PRG4: variants seen among roughly 807,000 people sequenced by gnomAD.
The protein encoded by PRG4 is proteoglycan 4, also known as articular superficial zone protein.
A neutral mutation model predicts 91.2 loss-of-function variants in PRG4; 61 were observed. That is an observed-to-expected ratio of 0.67 (90% CI 0.54 to 0.83). The LOEUF is 0.83. Among genes scored for constraint, PRG4 ranks in the 40% least tolerant of loss-of-function variants. The pLI, the probability that PRG4 is intolerant of heterozygous loss-of-function variation, is 0.00. For missense variants in PRG4, 1,564 were observed against 1,714.2 expected (o/e 0.91, Z 1.55); for synonymous variants, 576 against 614.2 (o/e 0.94, Z 0.92).
At chr1:186,310,435 A>C (rs1657111057) in intron 8 of PRG4, among the ~76,000 whole-genome samples, 2 of 152,186 alleles carry the variant, frequency 1.3e-5, no homozygotes, top group Non-Finnish European at 1.5e-5. Context: ...CCTTAGTTCT[A>C]AGAGATAAAG....
At chr1:186,300,038 C>T in intron 2 of PRG4, 53 bp from the exon 3 acceptor site, 2 of 1,601,614 alleles carry the variant, frequency 1.2e-6, no homozygotes, top group Non-Finnish European at 1.7e-6. Flanking sequence ...TTAGATTGCT[C>T]CCTTTCTATA....
Position 186,313,665 on chromosome 1 carries a change from T to C in PRG4, c.4118-16T>C. The stretch of plus-strand genomic sequence containing the variant: ...GTTTTCTTTTTAACTAAAAAAATGT[T>C]TTCTCTTCCATTTAGATCAATACTA... On this transcript the variant is annotated splice_polypyrimidine_tract_variant and intron_variant, in intron 12 of 12. Transcript: ENST00000445192. 6.7e-6 allele frequency: 10 copies of C among 1,500,596 alleles called. No homozygotes were observed. The highest frequency in any genetic ancestry group is 9.3e-6 in the Non-Finnish European group (10 of 1,077,450). 93.0% of individuals were successfully genotyped at this position (1,500,596 alleles called of 1,614,324 possible). A position where few individuals can be genotyped will look rare whatever the true frequency, so the allele number is the denominator to read the frequency against.
In PRG4 at chr1:186,308,623, C is replaced by T. The variant is rs772362320; in HGVS notation, c.2904C>T (p.Thr968=). The T allele has an allele frequency of 6.7e-5, 108 of 1,612,686 alleles. No individual in the cohort carries two copies. Among genetic ancestry groups the T allele is most frequent in the Middle Eastern group, 1.6e-4 (1 of 6,080 alleles). The part of the protein sequence containing the change: ...TQVTSTTTQD[T]TPFKITTLKT... ...TAACATCTACCACAACTCAAGATAC[C>T]ACACCATTCAAAATTACTACTCTTA... Residue 968 remains threonine (T), a synonymous_variant, in exon 7 of 13, where the codon ACC becomes ACT. Coordinates refer to ENST00000445192, the MANE Select transcript of PRG4 (RefSeq NM_005807.6).
intron 6 of PRG4, among the ~76,000 whole-genome samples, chr1:186,305,660 A>G (rs1330036058): frequency 6.6e-6 from 1 of 152,216 alleles, no homozygotes; most frequent in Non-Finnish European, 1.5e-5. Context: ...TCACCCAGAA[A>G]ATCGTGCAGG....
At chr1:186,312,560 T>C in intron 11 of PRG4, 188 bp downstream of exon 11, 1 of 801,032 alleles carries the variant, frequency 1.2e-6, no homozygotes. Flanking sequence ...TCCTTGTGGG[T>C]AAGTAAAGCA....
intron 8 of PRG4, 77 bp from the exon 9 acceptor site, chr1:186,310,957 A>T (rs913940612): frequency 2.6e-6 from 4 of 1,530,420 alleles, no homozygotes; most frequent in East Asian, 4.5e-5. Flanking sequence ...AGAAAACTAC[A>T]TTTTTTTTCA....
chr1:186,298,143 G>A (rs1053552919), intron 2 of PRG4, among the ~76,000 whole-genome samples: 1 of 152,200 alleles, frequency 6.6e-6, no homozygotes, highest in African/African-American at 2.4e-5. Flanking sequence ...CATTCTGGGA[G>A]GCCTAGGGAG....
chr1:186,298,121 C>T (rs184062111), intron 2 of PRG4, among the ~76,000 whole-genome samples: 133 of 152,312 alleles, frequency 8.7e-4, no homozygotes, highest in Admixed American at 1.8e-3. Flanking sequence ...TGGCTCACAC[C>T]TGTAATCCCA....
In PRG4 at chr1:186,307,195, A is replaced by G; in HGVS notation, c.1476A>G (p.Pro492=). 1 of 1,346,928 alleles carries G rather than the reference A, an allele frequency of 7.4e-7. No homozygotes were observed. The highest frequency in any genetic ancestry group is 9.7e-7 in the Non-Finnish European group (1 of 1,032,588). The allele number at this position is 1,346,928 out of a possible 1,614,324, so 83.4% of individuals were successfully genotyped here. The change falls in exon 7 of 13, where the codon CCA becomes CCG. Residue 492 remains proline, a synonymous_variant. Transcript: ENST00000445192. The part of the protein sequence containing the change: ...PAPTAPKKPA[P]TTPKEPAPTT... ...CCACTGCCCCCAAGAAGCCTGCCCC[A>G]ACTACCCCCAAGGAGCCTGCACCCA...
At position 186,311,983 on chromosome 1, in the gene PRG4, C is replaced by T. The variant is rs942595139; in HGVS notation, c.3794-192C>T. 5.2e-6 allele frequency: 3 copies of T among 579,414 alleles called. No homozygotes were observed. The East Asian group carries it at 8.7e-5, about 17-fold the overall frequency. The allele number at this position is 579,414 out of a possible 1,614,324, so 35.9% of individuals were successfully genotyped here. On this transcript the variant is annotated intron_variant, in intron 10 of 12. Coordinates refer to ENST00000445192, the MANE Select transcript of PRG4 (RefSeq NM_005807.6). ...AACTATGTAATTTGCTGCATCTATT[C>T]ATTCAACAAGTATTTCAGTTTAATA...
At chr1:186,305,905 C>T (rs1415958285) in intron 6 of PRG4, among the ~76,000 whole-genome samples, 3 of 152,066 alleles carry the variant, frequency 2.0e-5, no homozygotes, top group Non-Finnish European at 4.4e-5. Context: ...GCTGTAGAGG[C>T]CTCTGAGATA....
chr1:186,304,667 T>C, intron 5 of PRG4, 127 bp from the exon 6 acceptor site: 1 of 1,227,600 alleles, frequency 8.1e-7, no homozygotes, highest in Non-Finnish European at 1.2e-6. Context: ...TTGGTCATAT[T>C]ACTAATAAAA....
intron 5 of PRG4, 45 bp downstream of exon 5, chr1:186,304,302 G>T (rs1222811658): frequency 6.3e-7 from 1 of 1,574,934 alleles, no homozygotes; most frequent in South Asian, 1.1e-5. Context: ...CTTAGATGAA[G>T]TAACTTGTAG....
rs1448183913 is a variant in PRG4, at chr1:186,307,493, C to A, written c.1774C>A (p.Pro592Thr). 1.3e-6 allele frequency: 2 copies of A among 1,555,932 alleles called. No homozygotes were observed. The highest frequency in any genetic ancestry group is 1.7e-6 in the Non-Finnish European group (2 of 1,143,112). Residue 592 changes from proline (P) to threonine (T), a missense_variant, in exon 7 of 13, where the codon CCT (proline) becomes ACT (threonine). By Grantham distance (38) the Pro-to-Thr change is conservative. Around this residue, in one of 3 missense-constraint regions of PRG4, gnomAD observed 1,079 missense variants for 1,162.2 expected, o/e 0.93. Transcript: ENST00000445192. ...GCCTGCACCCACCACTCCCAAGGAA[C>A]CTGCACCCACCACCACCAAGAAGCC... ...KEPAPTTPKE[P>T]APTTTKKPAP...
At chr1:186,305,241 C>T (rs928671656) in intron 6 of PRG4, among the ~76,000 whole-genome samples, 7 of 152,192 alleles carry the variant, frequency 4.6e-5, no homozygotes, top group African/African-American at 9.7e-5. Flanking sequence ...TCTTCTCCTT[C>T]ATCTTCCTTG....
chr1:186,298,890 T>A (rs1258421359), intron 2 of PRG4, among the ~76,000 whole-genome samples: 2 of 152,042 alleles, frequency 1.3e-5, no homozygotes, highest in Non-Finnish European at 2.9e-5. Flanking sequence ...TATATGTATT[T>A]ATATACATAC....
At chr1:186,309,905 A>C (rs755666583) in intron 8 of PRG4, 35 bp downstream of exon 8, 10 of 1,575,686 alleles carry the variant, frequency 6.3e-6, no homozygotes, top group East Asian at 4.5e-5. Context: ...TCTTCTCATC[A>C]TTCTGTTTTG....
rs542991952 is a variant in PRG4 at position 186,310,127 on chromosome 1, A to AT, written c.3499+265dup. On this transcript the variant is annotated intron_variant, in intron 8 of 12. Transcript: ENST00000445192. The stretch of plus-strand genomic sequence containing the variant: ...ACTGTTAAGATTTAAAAAGTAGTTC[A>AT]TTTTTTTTGGGGGGGGGGGGTAGTT... 3.5e-3 allele frequency among the ~76,000 whole-genome samples: 209 copies of AT among 59,678 alleles called. 4 individuals carry two copies. Among genetic ancestry groups the AT allele is most frequent in the South Asian group, 0.012 (17 of 1,470 alleles). 39.2% of individuals were successfully genotyped at this position (59,678 alleles called of 152,430 possible). A position where few individuals can be genotyped will look rare whatever the true frequency, so the allele number is the denominator to read the frequency against.
rs1176970548 is a variant in PRG4, at chr1:186,301,672, G to T, written c.280G>T (p.Asp94Tyr). 1.9e-6 allele frequency: 3 copies of T among 1,613,674 alleles called. No homozygotes were observed. The highest frequency in any genetic ancestry group is 1.1e-5 in the South Asian group (1 of 91,060). The change falls in exon 4 of 13, where the codon GAC becomes TAC. Residue 94 changes from aspartate (D) to tyrosine (Y), a missense_variant. This residue lies in a region of PRG4 where 437 missense variants were observed against 459.0 expected (regional missense o/e 0.95). Transcript: ENST00000445192. ...CDCDAQCKKYDKCCPDYESFC... is the reference protein window; with the variant it reads ...CDCDAQCKKYYKCCPDYESFC... ...CTGCGACGCCCAATGTAAGAAGTAT[G>T]ACAAGTGCTGTCCCGATTATGAGAG...
Sources: allele counts gnomAD v4.1 joint callset (sites outside exome capture counted in the v4.1 genomes callset), GRCh38; gene constraint gnomAD v4.1.1; regional missense constraint gnomAD v4.1.1; transcripts MANE v1.5; gene names NCBI Gene and HGNC (gene_info 2026-07-23, HGNC 2026-07-21).